Variants in KLF12 observed in about 807,000 individuals in gnomAD.
KLF12 encodes the protein KLF transcription factor 12.
A neutral mutation model predicts 37.8 loss-of-function variants in KLF12; 9 were observed. The observed-to-expected ratio is 0.24, with a 90% CI of 0.14 to 0.42. The LOEUF is 0.42. Among genes scored for constraint, KLF12 ranks in the 10% least tolerant of loss-of-function variants. KLF12 has a pLI of 1.00. For synonymous variants in KLF12, 208 were observed against 202.1 expected (o/e 1.03, Z -0.25); for missense variants, 411 against 516.0 (o/e 0.80, Z 1.97).
intron 7 of KLF12, among the ~76,000 whole-genome samples, chr13:73,710,374 TTGTCTGTGTGTGTGTGTG>T (rs1487555706): frequency 7.9e-6 from 1 of 126,376 alleles, no homozygotes; most frequent in Admixed American, 9.1e-5. Context: ...TTCGAAGATA[TTGTCTGTGTGTGTGTGTG>T]TGTGTGTGTG....
the KLF12 span, among the ~76,000 whole-genome samples, chr13:74,189,976 C>G: frequency 1.3e-5 from 2 of 151,786 alleles, no homozygotes; most frequent in African/African-American, 2.4e-5. Context: ...GAATGCAAAA[C>G]GTTATTTAAC....
the KLF12 span, chr13:74,257,230 TGA>T: frequency 1.3e-5 from 2 of 152,080 alleles, no homozygotes; most frequent in African/African-American, 4.8e-5. Context: ...GCTGAAAATC[TGA>T]GATATAGAAG....
chr13:74,216,578 T>C, the KLF12 span, among the ~76,000 whole-genome samples: 19 of 152,194 alleles, frequency 1.2e-4, no homozygotes, highest in African/African-American at 7.2e-5. Context: ...TCTTCATTTA[T>C]TCTCGATTTC....
At chr13:74,028,758 A>G (rs1335579112) in intron 1 of KLF12, among the ~76,000 whole-genome samples, 4 of 152,032 alleles carry the variant, frequency 2.6e-5, no homozygotes, top group Non-Finnish European at 5.9e-5. Flanking sequence ...AGAGAGTTAC[A>G]ATGTGTAAGA....
intron 1 of KLF12, among the ~76,000 whole-genome samples, chr13:74,104,291 T>G (rs1876529356): frequency 6.6e-6 from 1 of 152,250 alleles, no homozygotes; most frequent in South Asian, 2.1e-4. Flanking sequence ...ACTCATGCAC[T>G]GTGTTATCTG....
At chr13:73,750,254 AACC>A (rs1322533212) in intron 6 of KLF12, among the ~76,000 whole-genome samples, 4 of 152,218 alleles carry the variant, frequency 2.6e-5, no homozygotes, top group African/African-American at 9.7e-5. Flanking sequence ...GTGGAAAGGG[AACC>A]ACCAAAGTCA....
chr13:73,979,903 T>C (rs1020503981), intron 2 of KLF12, among the ~76,000 whole-genome samples: 30 of 152,098 alleles, frequency 2.0e-4, no homozygotes, highest in South Asian at 1.5e-3. Flanking sequence ...GCTGGTGTTC[T>C]TATAAGAAGA....
In KLF12 at chr13:73,694,399, T is replaced by TAAAC. The variant is rs1458289914; in HGVS notation, c.*1090_*1091insGTTT. On this transcript the variant is annotated 3_prime_UTR_variant, in exon 8 of 8. Transcript: ENST00000377669. ...CAAGACACCTAAAATGCTGGGGTGT[T>TAAAC]TTTTACAATCCCTTTAGTAAGTATG... is the stretch of plus-strand genomic sequence containing the variant. 12 of 152,624 alleles carry TAAAC rather than the reference T, an allele frequency of 7.9e-5. 1 individual carries two copies. Among genetic ancestry groups the TAAAC allele is most frequent in the Non-Finnish European group, 1.5e-4 (10 of 68,036 alleles). The allele number at this position is 152,624 out of a possible 1,614,324, so 9.5% of individuals were successfully genotyped here.
At chr13:74,269,012 T>A in the KLF12 span, among the ~76,000 whole-genome samples, 1 of 152,040 alleles carries the variant, frequency 6.6e-6, no homozygotes, top group African/African-American at 2.4e-5. Flanking sequence ...GAGACGAAAG[T>A]GGGGCTGGGG....
intron 1 of KLF12, among the ~76,000 whole-genome samples, chr13:74,046,847 A>G (rs1893560662): frequency 6.6e-6 from 1 of 152,190 alleles, no homozygotes; most frequent in African/African-American, 2.4e-5. Context: ...AATATTTTGC[A>G]TTTTCCTTAC....
chr13:73,714,559 C>G (rs899561218), intron 7 of KLF12, among the ~76,000 whole-genome samples: 1 of 152,136 alleles, frequency 6.6e-6, no homozygotes, highest in Non-Finnish European at 1.5e-5. Flanking sequence ...TTGGGCTTCA[C>G]GCAGTCCAGT....
At chr13:73,850,906 T>C (rs1885303903) in intron 3 of KLF12, among the ~76,000 whole-genome samples, 1 of 152,252 alleles carries the variant, frequency 6.6e-6, no homozygotes, top group African/African-American at 2.4e-5. Flanking sequence ...GTCACAAGAA[T>C]CTTTGTTTTG....
intron 6 of KLF12, among the ~76,000 whole-genome samples, chr13:73,739,127 G>T (rs1295508446): frequency 2.0e-5 from 3 of 151,836 alleles, no homozygotes; most frequent in African/African-American, 7.3e-5. Context: ...CCCACTACTC[G>T]GGAGGCTGAG....
intron 1 of KLF12, among the ~76,000 whole-genome samples, chr13:74,109,754 G>T (rs1196428304): frequency 1.3e-5 from 2 of 152,048 alleles, no homozygotes; most frequent in African/African-American, 4.8e-5. Context: ...CACCAACAAT[G>T]ACCACTTAAG....
intron 3 of KLF12, among the ~76,000 whole-genome samples, chr13:73,877,876 G>C (rs951425561): frequency 6.6e-6 from 1 of 152,084 alleles, no homozygotes; most frequent in Admixed American, 6.5e-5. Flanking sequence ...GCTCTAAAGA[G>C]AACAGGTATT....
At chr13:73,939,289 A>AT (rs755812469) in intron 3 of KLF12, among the ~76,000 whole-genome samples, 1 of 152,200 alleles carries the variant, frequency 6.6e-6, no homozygotes, top group Non-Finnish European at 1.5e-5. Flanking sequence ...AAATATTTTT[A>AT]TTTAGAGAGC....
At chr13:74,249,943 C>T in the KLF12 span, among the ~76,000 whole-genome samples, 1 of 152,172 alleles carries the variant, frequency 6.6e-6, no homozygotes, top group Non-Finnish European at 1.5e-5. Flanking sequence ...CTTTAGTAAT[C>T]AGGTCACTCA....
chr13:73,711,808 T>C (rs991954786), intron 7 of KLF12, among the ~76,000 whole-genome samples: 12 of 152,334 alleles, frequency 7.9e-5, no homozygotes, highest in South Asian at 4.1e-4. Flanking sequence ...CGTAAGACTA[T>C]AGCTCCATAG....
chr13:74,059,534 G>T (rs1022895289), intron 1 of KLF12, among the ~76,000 whole-genome samples: 1 of 152,156 alleles, frequency 6.6e-6, no homozygotes, highest in African/African-American at 2.4e-5. Context: ...GCATTTCTCT[G>T]ATTAATGATG....
Sources: gnomAD v4.1 joint callset for allele counts (sites outside exome capture counted in the v4.1 genomes callset) on GRCh38, gnomAD v4.1.1 for gene constraint, MANE v1.5 for transcripts, NCBI Gene and HGNC (gene_info 2026-07-23, HGNC 2026-07-21) for gene names.